Variants in FTO observed in about 807,000 individuals in gnomAD.
FTO encodes FTO alpha-ketoglutarate dependent dioxygenase, also known as alpha-ketoglutarate-dependent dioxygenase FTO.
Under a neutral mutation model 63.9 loss-of-function variants are expected in FTO, and 47 were observed. The observed-to-expected ratio is 0.74, with a 90% CI of 0.58 to 0.94. FTO has a LOEUF of 0.94. FTO is among the 40% of genes least tolerant of loss of function. FTO has a pLI of 0.00. For missense variants in FTO, 562 were observed against 618.1 expected (o/e 0.91, Z 0.96); for synonymous variants, 207 against 224.4 (o/e 0.92, Z 0.69).
At chr16:53,893,663 TAA>T (rs775279662) in intron 7 of FTO, among the ~76,000 whole-genome samples, 1 of 145,466 alleles carries the variant, frequency 6.9e-6, no homozygotes, top group Non-Finnish European at 1.5e-5. Context: ...CTATTGACCT[TAA>T]AAAAAAAAAA....
At chr16:53,708,551 A>G (rs2075685843) in intron 1 of FTO, among the ~76,000 whole-genome samples, 2 of 152,154 alleles carry the variant, frequency 1.3e-5, no homozygotes, top group African/African-American at 4.8e-5. Context: ...GAGTGGAATT[A>G]CAGGACTTAT....
At chr16:53,972,736 CA>C (rs1179397164) in intron 8 of FTO, among the ~76,000 whole-genome samples, 1 of 152,182 alleles carries the variant, frequency 6.6e-6, no homozygotes, top group African/African-American at 2.4e-5. Context: ...ATTTTAGGTA[CA>C]TCCATCCCTC....
chr16:53,933,009 GA>G (rs2082316998), intron 7 of FTO, among the ~76,000 whole-genome samples: 1 of 152,150 alleles, frequency 6.6e-6, no homozygotes, highest in Non-Finnish European at 1.5e-5. Flanking sequence ...TGTAAGAAGA[GA>G]TTTAGGTGAT....
At chr16:54,105,284 G>A (rs10163276) in intron 8 of FTO, among the ~76,000 whole-genome samples, 33,773 of 152,184 alleles carry the variant, frequency 0.22, 4,863 homozygotes, top group Middle Eastern at 0.38. Flanking sequence ...CATAATAATA[G>A]TCCTTCTAGA....
Position 54,113,068 on chromosome 16 carries a change from G to T in FTO, c.*1153G>T, listed in dbSNP as rs1257102977. The T allele has an allele frequency of 6.6e-6, 1 of 152,224 alleles. No homozygotes were observed. Among genetic ancestry groups the T allele is most frequent in the African/African-American group, 2.4e-5 (1 of 41,462 alleles). 9.4% of individuals were successfully genotyped at this position (152,224 alleles called of 1,614,324 possible). A position where few individuals can be genotyped will look rare whatever the true frequency, so the allele number is the denominator to read the frequency against. On this transcript the variant is annotated 3_prime_UTR_variant, in exon 9 of 9. Coordinates refer to ENST00000471389, the MANE Select transcript of FTO (RefSeq NM_001080432.3). ...CAGTCCTAAGGTGAACATTAAGTGA[G>T]ATGATTCTAGTTACAGACTTAGAAC...
chr16:53,789,529 A>C (rs2077838284), intron 1 of FTO, among the ~76,000 whole-genome samples: 1 of 152,166 alleles, frequency 6.6e-6, no homozygotes, highest in Non-Finnish European at 1.5e-5. Context: ...TCATGATGCC[A>C]AAAAATCATG....
intron 4 of FTO, among the ~76,000 whole-genome samples, chr16:53,871,688 G>C (rs1013142265): frequency 1.3e-5 from 2 of 151,156 alleles, no homozygotes; most frequent in Non-Finnish European, 2.9e-5. Context: ...TTTGGCTTTT[G>C]CTCTAATGAA....
At chr16:53,909,629 T>G (rs1340566479) in intron 7 of FTO, among the ~76,000 whole-genome samples, 1 of 136,542 alleles carries the variant, frequency 7.3e-6, no homozygotes, top group African/African-American at 2.7e-5. Context: ...AGTGGTGCAA[T>G]CATGGCTCAC....
At chr16:53,882,373 GAAAA>G (rs4002060) in intron 6 of FTO, among the ~76,000 whole-genome samples, 4 of 144,610 alleles carry the variant, frequency 2.8e-5, no homozygotes, top group Admixed American at 1.4e-4. Context: ...AGTGCTACAG[GAAAA>G]AAAAAAAAAA....
intron 8 of FTO, among the ~76,000 whole-genome samples, chr16:53,960,584 A>T (rs1342886381): frequency 6.6e-6 from 1 of 152,134 alleles, no homozygotes; most frequent in Non-Finnish European, 1.5e-5. Flanking sequence ...TGCTGGGGGA[A>T]TCTTGCTAGC....
At chr16:53,788,031 G>T (rs558096177) in intron 1 of FTO, among the ~76,000 whole-genome samples, 1 of 152,164 alleles carries the variant, frequency 6.6e-6, no homozygotes, top group African/African-American at 2.4e-5. Flanking sequence ...GTTTAGAGTA[G>T]CAGGATTGGT....
At position 53,938,912 on chromosome 16, in the gene FTO, A is replaced by G. The variant is rs550618852; in HGVS notation, c.1364+4803A>G. Among the ~76,000 whole-genome samples the G allele has an allele frequency of 6.7e-5, 10 of 149,232 alleles. 1 individual carries two copies. In the South Asian group the frequency reaches 2.2e-3, roughly 32 times the overall value. The stretch of plus-strand genomic sequence containing the variant: ...TGACCATCCTGGCTAACACGGTGAA[A>G]CCCTGTCTCTACTAAAAATACAAAA... On this transcript the variant is annotated intron_variant, in intron 8 of 8. Transcript: ENST00000471389.
Position 53,826,394 on chromosome 16 carries a change from A to G in FTO, c.654A>G (p.Glu218=). The G allele has an allele frequency of 6.2e-7, 1 of 1,614,192 alleles. No individual in the cohort carries two copies. The highest frequency in any genetic ancestry group is 8.5e-7 in the Non-Finnish European group (1 of 1,180,018). ...AGAAAATGCCATACCTGAAAGAGGAACCTTATTTTGGCATGGGGAAAATGG... is the reference window on the plus strand; with the variant it reads ...AGAAAATGCCATACCTGAAAGAGGAGCCTTATTTTGGCATGGGGAAAATGG... ...DPQKMPYLKE[E]PYFGMGKMAV... is the part of the protein sequence containing the mutation. The change falls in exon 3 of 9, where the codon GAA becomes GAG. Residue 218 remains glutamate, a synonymous_variant. Coordinates refer to ENST00000471389, the MANE Select transcript of FTO (RefSeq NM_001080432.3).
chr16:53,804,682 G>A (rs547332776), intron 1 of FTO, among the ~76,000 whole-genome samples: 18 of 145,408 alleles, frequency 1.2e-4, no homozygotes, highest in Non-Finnish European at 1.8e-4. Context: ...ACCATGCAGC[G>A]GTGACTCACT....
chr16:54,110,823 G>A (rs1437870068), intron 8 of FTO, among the ~76,000 whole-genome samples: 4 of 152,168 alleles, frequency 2.6e-5, no homozygotes, highest in Non-Finnish European at 5.9e-5. Context: ...TGATCCACTC[G>A]TTTTCACTGC....
chr16:53,791,645 G>A (rs1254488431), intron 1 of FTO, among the ~76,000 whole-genome samples: 1 of 152,108 alleles, frequency 6.6e-6, no homozygotes, highest in Non-Finnish European at 1.5e-5. Flanking sequence ...ATCCAGCAAT[G>A]GTAATTTTTC....
At chr16:53,727,999 T>G (rs1331573379) in intron 1 of FTO, among the ~76,000 whole-genome samples, 21 of 152,024 alleles carry the variant, frequency 1.4e-4, no homozygotes, top group Non-Finnish European at 1.0e-4. Flanking sequence ...TCCAGTGCTT[T>G]GGGGGGCTGA....
chr16:53,837,608 A>G (rs1200202847), intron 3 of FTO, among the ~76,000 whole-genome samples: 2 of 152,130 alleles, frequency 1.3e-5, no homozygotes, highest in Non-Finnish European at 2.9e-5. Context: ...TGTCAGCAGC[A>G]AGCTTTTCTT....
chr16:53,728,039 C>T (rs1296976961), intron 1 of FTO, among the ~76,000 whole-genome samples: 2 of 152,140 alleles, frequency 1.3e-5, no homozygotes, highest in Non-Finnish European at 2.9e-5. Flanking sequence ...GGAAGTTCTA[C>T]ACCAGCCTGG....
Sources: allele counts gnomAD v4.1 joint callset (sites outside exome capture counted in the v4.1 genomes callset), GRCh38; gene constraint gnomAD v4.1.1; transcripts MANE v1.5; gene names NCBI Gene and HGNC (gene_info 2026-07-23, HGNC 2026-07-21).